Variants in ELAPOR1 observed in about 807,000 individuals in gnomAD.
The protein encoded by ELAPOR1 is endosome-lysosome associated apoptosis and autophagy regulator 1.
A neutral mutation model predicts 119.7 loss-of-function variants in ELAPOR1; 77 were observed. That is an observed-to-expected ratio of 0.64 (90% CI 0.54 to 0.78). The LOEUF is 0.78. ELAPOR1 is among the 30% of genes least tolerant of loss of function. The pLI is 0.00. For synonymous variants in ELAPOR1, 481 were observed against 487.2 expected (o/e 0.99, Z 0.17); for missense variants, 1,115 against 1,270.4 (o/e 0.88, Z 1.86).
intron 1 of ELAPOR1, among the ~76,000 whole-genome samples, chr1:109,143,374 G>A (rs1198352965): frequency 2.6e-5 from 4 of 152,204 alleles, no homozygotes; most frequent in East Asian, 1.9e-4. Flanking sequence ...CATATTGTAT[G>A]ATTGTGTTTG....
At chr1:109,194,287 C>T in intron 14 of ELAPOR1, 134 bp from the exon 15 acceptor site, 1 of 670,836 alleles carries the variant, frequency 1.5e-6, no homozygotes. Flanking sequence ...TTTTACTAGC[C>T]ACTCCTAATC....
intron 1 of ELAPOR1, among the ~76,000 whole-genome samples, chr1:109,154,794 A>T (rs564008471): frequency 2.0e-5 from 3 of 152,218 alleles, no homozygotes; most frequent in Non-Finnish European, 4.4e-5. Context: ...TTTCGAAGCA[A>T]CTAGGGTAAA....
chr1:109,194,231 T>C (rs1208988862), intron 14 of ELAPOR1, among the ~76,000 whole-genome samples, 190 bp from the exon 15 acceptor site: 9 of 152,232 alleles, frequency 5.9e-5, no homozygotes, highest in Admixed American at 5.2e-4. Context: ...GTGCTAATAA[T>C]TGAATGGCAA....
At chr1:109,200,921 A>C in intron 21 of ELAPOR1, 21 bp downstream of exon 21, 1 of 1,608,822 alleles carries the variant, frequency 6.2e-7, no homozygotes, top group South Asian at 1.1e-5. Flanking sequence ...TGGCCAGTGC[A>C]CTGAGGTCAG....
chr1:109,186,048 T>C (rs1390756003), intron 8 of ELAPOR1, among the ~76,000 whole-genome samples: 1 of 149,340 alleles, frequency 6.7e-6, no homozygotes, highest in African/African-American at 2.5e-5. Flanking sequence ...GTATATAATA[T>C]AGCAAATGGT....
chr1:109,152,233 A>G (rs921716231), intron 1 of ELAPOR1, among the ~76,000 whole-genome samples: 1 of 152,156 alleles, frequency 6.6e-6, no homozygotes, highest in Non-Finnish European at 1.5e-5. Flanking sequence ...AGGAGAAGAG[A>G]AACTTCTCTT....
intron 15 of ELAPOR1, among the ~76,000 whole-genome samples, chr1:109,196,667 G>T (rs1286327242): frequency 2.0e-5 from 3 of 146,818 alleles, no homozygotes; most frequent in Non-Finnish European, 4.5e-5. Flanking sequence ...AAAAAAAAAG[G>T]CTGAGACACC....
intron 15 of ELAPOR1, among the ~76,000 whole-genome samples, chr1:109,195,643 T>C (rs1224679467): frequency 1.3e-5 from 2 of 152,168 alleles, no homozygotes; most frequent in East Asian, 3.8e-4. Context: ...CTGGATAAAA[T>C]CAACTGTTTC....
chr1:109,187,310 C>T, intron 8 of ELAPOR1: 1 of 985,510 alleles, frequency 1.0e-6, no homozygotes, highest in Non-Finnish European at 1.2e-6. Flanking sequence ...GGGGCTCTGG[C>T]TGTCGCAGCC....
At chr1:109,197,840 C>A (rs1189967851) in intron 16 of ELAPOR1, 139 bp from the exon 17 acceptor site, 11 of 984,376 alleles carry the variant, frequency 1.1e-5, no homozygotes, top group East Asian at 2.5e-5. Context: ...TCTGACAAAC[C>A]CTTGTTTCAC....
At chr1:109,194,336 A>G (rs1653639853) in intron 14 of ELAPOR1, 85 bp from the exon 15 acceptor site, 2 of 1,276,782 alleles carry the variant, frequency 1.6e-6, no homozygotes, top group Admixed American at 3.6e-5. Flanking sequence ...GCGGGACCAG[A>G]CGGGGGAGAA....
chr1:109,118,670 G>A (rs765257914), intron 1 of ELAPOR1, among the ~76,000 whole-genome samples: 1 of 152,120 alleles, frequency 6.6e-6, no homozygotes, highest in Non-Finnish European at 1.5e-5. Context: ...TGATGGTGAC[G>A]GGCGGGTCAA....
At chr1:109,151,974 A>G (rs1650561466) in intron 1 of ELAPOR1, among the ~76,000 whole-genome samples, 1 of 151,302 alleles carries the variant, frequency 6.6e-6, no homozygotes, top group Non-Finnish European at 1.5e-5. Flanking sequence ...CCCAGGCTCA[A>G]TCAATCCTTC....
chr1:109,164,411 C>T (rs762117153), intron 2 of ELAPOR1, 88 bp from the exon 3 acceptor site: 36 of 1,133,772 alleles, frequency 3.2e-5, no homozygotes, highest in East Asian at 7.2e-5. Context: ...CCCAACCCAG[C>T]GCTCCTCCCT....
At chr1:109,179,637 C>A (rs188671511) in intron 7 of ELAPOR1, among the ~76,000 whole-genome samples, 1 of 151,718 alleles carries the variant, frequency 6.6e-6, no homozygotes, top group Non-Finnish European at 1.5e-5. Context: ...AGGCCAGGCA[C>A]GGCCATGCCT....
chr1:109,180,133 A>G (rs1259674003), intron 7 of ELAPOR1, among the ~76,000 whole-genome samples: 2 of 152,210 alleles, frequency 1.3e-5, no homozygotes, highest in East Asian at 1.9e-4. Context: ...GACTAAAAGC[A>G]TCTTTCTCAC....
At chr1:109,178,365 G>A (rs1652482071) in intron 7 of ELAPOR1, among the ~76,000 whole-genome samples, 1 of 152,128 alleles carries the variant, frequency 6.6e-6, no homozygotes, top group African/African-American at 2.4e-5. Flanking sequence ...TCACCGGCTT[G>A]GGGTACAAAG....
At chr1:109,126,057 G>A (rs1014338373) in intron 1 of ELAPOR1, among the ~76,000 whole-genome samples, 2 of 152,178 alleles carry the variant, frequency 1.3e-5, no homozygotes, top group African/African-American at 2.4e-5. Context: ...AAGCCAAGTT[G>A]TTACTCACAA....
rs369598045 is a variant in ELAPOR1, at chr1:109,182,262, G to A, written c.953-2783G>A. Among the ~76,000 whole-genome samples, 88 of 152,082 alleles carry A rather than the reference G, an allele frequency of 5.8e-4. No homozygotes were observed. In the South Asian group the frequency reaches 0.016, roughly 28 times the overall value. On this transcript the variant is annotated intron_variant, in intron 7 of 21. Coordinates refer to ENST00000369939, the MANE Select transcript of ELAPOR1 (RefSeq NM_020775.5). ...GGAGAATCACTTGAACCCGAGAGGCGGAGGTTGCAGTGAGCTGAGGTGGCA... is the reference window on the plus strand; with the variant it reads ...GGAGAATCACTTGAACCCGAGAGGCAGAGGTTGCAGTGAGCTGAGGTGGCA...
Sources: gnomAD v4.1 joint callset for allele counts (sites outside exome capture counted in the v4.1 genomes callset) on GRCh38, gnomAD v4.1.1 for gene constraint, MANE v1.5 for transcripts, NCBI Gene and HGNC (gene_info 2026-07-23, HGNC 2026-07-21) for gene names.